NDUFAF6: variants seen among roughly 807,000 people sequenced by gnomAD.
The protein encoded by NDUFAF6 is NADH dehydrogenase (ubiquinone) complex I, assembly factor 6.
A neutral mutation model predicts 40.8 loss-of-function variants in NDUFAF6; 45 were observed. The observed-to-expected ratio is 1.10, with a 90% confidence interval of 0.87 to 1.42. NDUFAF6 has a LOEUF of 1.42. Among genes scored for constraint, NDUFAF6 ranks in the 40% most tolerant of loss-of-function variants. The pLI, the probability that NDUFAF6 is intolerant of heterozygous loss-of-function variation, is 0.00. For missense variants in NDUFAF6, 435 were observed against 418.5 expected (o/e 1.04, Z -0.34); for synonymous variants, 185 against 155.9 (o/e 1.19, Z -1.39).
intron 1 of NDUFAF6, chr8:94,930,365 TA>T: frequency 7.1e-6 from 10 of 1,417,220 alleles, no homozygotes; most frequent in Non-Finnish European, 9.7e-6. Context: ...CTGATAAAAC[TA>T]TGTGATTGGT....
chr8:95,045,179 G>T (rs2599712), intron 4 of NDUFAF6, among the ~76,000 whole-genome samples: 16,118 of 152,012 alleles, frequency 0.11, 895 homozygotes, highest in East Asian at 0.15. Context: ...TCTCTTGGAG[G>T]GGGGGTTGTT....
chr8:95,059,426 T>C (rs1219912036), downstream of NDUFAF6, among the ~76,000 whole-genome samples: 1 of 152,166 alleles, frequency 6.6e-6, no homozygotes, highest in Non-Finnish European at 1.5e-5. Flanking sequence ...AATAAATATA[T>C]AGTTGAATGA....
chr8:94,943,866 G>A (rs1023697213), intron 1 of NDUFAF6, among the ~76,000 whole-genome samples: 9 of 152,178 alleles, frequency 5.9e-5, no homozygotes, highest in East Asian at 1.9e-4. Context: ...AAAGCAGCAC[G>A]GCCAAATCAT....
upstream of NDUFAF6, among the ~76,000 whole-genome samples, chr8:95,099,104 G>T (rs1219937640): frequency 3.3e-5 from 5 of 152,006 alleles, no homozygotes; most frequent in Non-Finnish European, 5.9e-5. Flanking sequence ...GCTGGGCGTG[G>T]TGGCAGGTGC....
At chr8:94,931,782 G>C (rs956957938) in intron 1 of NDUFAF6, among the ~76,000 whole-genome samples, 1 of 152,098 alleles carries the variant, frequency 6.6e-6, no homozygotes, top group Non-Finnish European at 1.5e-5. Flanking sequence ...GACCAGCCTG[G>C]CCAACATGGT....
In NDUFAF6 at chr8:94,993,469, G is replaced by A. The variant is rs112730881; in HGVS notation, c.-84+12496G>A. ...GACTTGATTTGACCAATAGAATGTG[G>A]CAGAAGTGATGTTGACCAACCTCCA... On this transcript the variant is annotated intron_variant, in intron 2 of 9. Coordinates refer to the NDUFAF6 transcript ENST00000396111. 9.0e-3 allele frequency among the ~76,000 whole-genome samples: 1,372 copies of A among 152,276 alleles called. 19 individuals are homozygous for A. Among genetic ancestry groups the A allele is most frequent in the African/African-American group, 0.031 (1,287 of 41,532 alleles).
At chr8:95,025,348 C>T (rs1827975964) in intron 1 of NDUFAF6, 143 bp downstream of exon 1, 4 of 815,054 alleles carry the variant, frequency 4.9e-6, no homozygotes, top group Middle Eastern at 3.9e-4. Flanking sequence ...TAGTGGGCGT[C>T]GGGTGCGGGT....
At chr8:95,104,498 A>G (rs998440787), downstream of NDUFAF6, among the ~76,000 whole-genome samples, 23 of 152,354 alleles carry the variant, frequency 1.5e-4, no homozygotes, top group African/African-American at 5.1e-4. Flanking sequence ...ACACAAAGTC[A>G]GTACCTTTAA....
chr8:95,062,713 C>T (rs896150901), downstream of NDUFAF6, among the ~76,000 whole-genome samples: 3 of 152,194 alleles, frequency 2.0e-5, no homozygotes, highest in African/African-American at 7.2e-5. Flanking sequence ...CCCAAAATGC[C>T]TGTTGTCTTT....
At chr8:95,084,342 TA>T (rs1263932551) in intron 2 of NDUFAF6, among the ~76,000 whole-genome samples, 1 of 152,178 alleles carries the variant, frequency 6.6e-6, no homozygotes, top group Admixed American at 6.5e-5. Context: ...ATAAAGACTT[TA>T]AAAAACTACT....
intron 1 of NDUFAF6, chr8:94,927,219 A>G (rs2131294901): frequency 6.5e-6 from 1 of 152,730 alleles, no homozygotes; most frequent in Middle Eastern, 3.4e-3. Context: ...GAGAATAATG[A>G]AGATACTCTT....
intron 1 of NDUFAF6, among the ~76,000 whole-genome samples, chr8:94,925,294 C>G (rs1275970786): frequency 6.6e-6 from 1 of 152,198 alleles, no homozygotes; most frequent in African/African-American, 2.4e-5. Context: ...CCTATTGAAA[C>G]TAGAGCTCCA....
At chr8:94,949,231 G>A (rs185136740) in intron 2 of NDUFAF6, 2,557 of 150,696 alleles carry the variant, frequency 0.017, 29 homozygotes, top group Middle Eastern at 0.082. Context: ...GGCGGGGCGG[G>A]ACTGCTGAGG....
chr8:95,079,058 T>C (rs1288705545), downstream of NDUFAF6, among the ~76,000 whole-genome samples: 1 of 152,080 alleles, frequency 6.6e-6, no homozygotes, highest in Non-Finnish European at 1.5e-5. Flanking sequence ...CACTGCAACC[T>C]CCATCTCCTC....
chr8:95,005,579 A>G (rs1826943399), intron 2 of NDUFAF6, among the ~76,000 whole-genome samples: 1 of 140,930 alleles, frequency 7.1e-6, no homozygotes, highest in African/African-American at 2.7e-5. Context: ...TAAATAATAT[A>G]TTTATTATTT....
At chr8:94,932,504 A>G (rs1820510961) in intron 1 of NDUFAF6, among the ~76,000 whole-genome samples, 1 of 152,328 alleles carries the variant, frequency 6.6e-6, no homozygotes, top group African/African-American at 2.4e-5. Flanking sequence ...AGACTTCCTT[A>G]TAAGAATTTC....
intron 1 of NDUFAF6, among the ~76,000 whole-genome samples, chr8:94,978,878 G>A (rs1389429752): frequency 1.3e-5 from 2 of 152,132 alleles, no homozygotes; most frequent in African/African-American, 4.8e-5. Context: ...GAAGTTTGGG[G>A]GCAGTTTTGT....
intron 9 of NDUFAF6, among the ~76,000 whole-genome samples, chr8:95,065,148 T>C (rs944344582): frequency 1.3e-5 from 2 of 152,184 alleles, no homozygotes; most frequent in Non-Finnish European, 2.9e-5. Context: ...GCCTAGGTAT[T>C]AGCAAATTAA....
chr8:94,932,895 C>T (rs1348701397), intron 1 of NDUFAF6, among the ~76,000 whole-genome samples: 1 of 152,140 alleles, frequency 6.6e-6, no homozygotes, highest in South Asian at 2.1e-4. Flanking sequence ...CAGGAGTTTC[C>T]TGTGTACAAA....
Sources: allele counts gnomAD v4.1 joint callset (sites outside exome capture counted in the v4.1 genomes callset), GRCh38; gene constraint gnomAD v4.1.1; transcripts MANE v1.5; gene names NCBI Gene and HGNC (gene_info 2026-07-23, HGNC 2026-07-21).